ANK3: variants seen among roughly 807,000 people sequenced by gnomAD.
The protein encoded by ANK3 is ankyrin 3, also known as ankyrin-3.
Under a neutral mutation model 370.9 loss-of-function variants are expected in ANK3, and 57 were observed. The observed-to-expected ratio is 0.15, with a 90% CI of 0.12 to 0.19. The LOEUF (loss-of-function observed/expected upper bound fraction) is 0.19. Among genes scored for constraint, ANK3 ranks in the 10% least tolerant of loss-of-function variants. The pLI is 1.00. For synonymous variants in ANK3, 1,929 were observed against 1,946.3 expected (o/e 0.99, Z 0.23); for missense variants, 4,439 against 5,302.1 (o/e 0.84, Z 5.06).
intron 1 of ANK3, among the ~76,000 whole-genome samples, chr10:60,327,561 GA>G (rs1042738325): frequency 3.9e-4 from 59 of 152,274 alleles, no homozygotes; most frequent in African/African-American, 1.4e-3. Flanking sequence ...AAATGGTCCA[GA>G]AAAGAATAAG....
intron 2 of ANK3, among the ~76,000 whole-genome samples, chr10:60,590,900 T>C (rs2077900675): frequency 6.6e-6 from 1 of 152,220 alleles, no homozygotes; most frequent in Non-Finnish European, 1.5e-5. Flanking sequence ...TTCCGACATA[T>C]TTTCAATCCA....
At chr10:60,295,058 C>T (rs1046590017) in intron 1 of ANK3, among the ~76,000 whole-genome samples, 2 of 152,092 alleles carry the variant, frequency 1.3e-5, no homozygotes, top group Non-Finnish European at 2.9e-5. Flanking sequence ...GTTATGTTAC[C>T]GTCTAACAGC....
intron 2 of ANK3, among the ~76,000 whole-genome samples, chr10:60,481,005 C>G (rs1238585444): frequency 2.0e-5 from 3 of 152,176 alleles, no homozygotes; most frequent in African/African-American, 7.2e-5. Context: ...GATGATTCCG[C>G]TGGACTTCCG....
intron 1 of ANK3, among the ~76,000 whole-genome samples, chr10:60,295,943 C>G (rs936849853): frequency 6.6e-6 from 1 of 152,070 alleles, no homozygotes; most frequent in Admixed American, 6.5e-5. Context: ...TGAAGTAGGT[C>G]AAGGATACCA....
chr10:60,425,466 A>G (rs1252686669), intron 2 of ANK3, among the ~76,000 whole-genome samples: 1 of 152,132 alleles, frequency 6.6e-6, no homozygotes, highest in African/African-American at 2.4e-5. Flanking sequence ...TTCTTGCTGC[A>G]GTTATGGCCA....
intron 2 of ANK3, among the ~76,000 whole-genome samples, chr10:60,584,395 G>C (rs2077800570): frequency 1.3e-5 from 2 of 152,088 alleles, no homozygotes; most frequent in Admixed American, 6.5e-5. Flanking sequence ...AAGGCAAAAG[G>C]ATTGCTTGAA....
chr10:60,678,043 C>G (rs1231112549), intron 1 of ANK3, among the ~76,000 whole-genome samples: 2 of 152,134 alleles, frequency 1.3e-5, no homozygotes, highest in African/African-American at 2.4e-5. Flanking sequence ...TGATTTTACC[C>G]TCACAGATGG....
intron 23 of ANK3, among the ~76,000 whole-genome samples, chr10:60,163,385 G>A (rs2095545340): frequency 6.6e-6 from 1 of 152,160 alleles, no homozygotes. Context: ...CCCTGCCTTG[G>A]ACAAAGTTGC....
chr10:60,680,107 C>G (rs1300409778), intron 1 of ANK3, among the ~76,000 whole-genome samples: 5 of 137,176 alleles, frequency 3.6e-5, no homozygotes, highest in African/African-American at 5.5e-5. Context: ...TGCATTACAG[C>G]CTGGGAGACA....
intron 2 of ANK3, among the ~76,000 whole-genome samples, chr10:60,408,763 C>G (rs1478728841): frequency 2.0e-5 from 3 of 152,080 alleles, no homozygotes; most frequent in African/African-American, 7.2e-5. Flanking sequence ...AAAACGCTTC[C>G]GTCACTGGGC....
rs1212221985 is a variant in ANK3 at position 60,080,621 on chromosome 10, G to C, written c.4351-3C>G. On this transcript the variant is annotated splice_region_variant and splice_polypyrimidine_tract_variant and intron_variant, in intron 35 of 43. Transcript: ENST00000280772. ...TGTCGTCTATCTGTTTTCTCAATCT[G>C]AAAAGGAAAAAAAAAAAGACAACTC... 4 of 1,544,450 alleles carry C rather than the reference G, an allele frequency of 2.6e-6. No homozygotes were observed. The highest frequency in any genetic ancestry group is 2.6e-6 in the Non-Finnish European group (3 of 1,148,042).
intron 2 of ANK3, among the ~76,000 whole-genome samples, chr10:60,561,876 G>T (rs1299089613): frequency 6.6e-6 from 1 of 152,208 alleles, no homozygotes; most frequent in African/African-American, 2.4e-5. Flanking sequence ...CATGAATTGT[G>T]TCTGAGCCCT....
At chr10:60,312,016 T>C (rs1489163145) in intron 1 of ANK3, among the ~76,000 whole-genome samples, 2 of 152,172 alleles carry the variant, frequency 1.3e-5, no homozygotes, top group East Asian at 1.9e-4. Context: ...ACCAGGAACA[T>C]AGTAGATGCT....
At chr10:60,213,094 A>T (rs935869276) in intron 9 of ANK3, among the ~76,000 whole-genome samples, 4 of 152,150 alleles carry the variant, frequency 2.6e-5, no homozygotes, top group African/African-American at 9.7e-5. Flanking sequence ...AACGTTAGAG[A>T]GTGTAGAACT....
chr10:60,659,732 A>G (rs991852586), intron 1 of ANK3, among the ~76,000 whole-genome samples: 4 of 152,152 alleles, frequency 2.6e-5, no homozygotes, highest in African/African-American at 7.2e-5. Flanking sequence ...TGTTGTAAAT[A>G]TAAAATCTGT....
intron 1 of ANK3, among the ~76,000 whole-genome samples, chr10:60,341,332 G>T (rs1285203982): frequency 1.3e-5 from 2 of 151,798 alleles, no homozygotes; most frequent in African/African-American, 4.8e-5. Context: ...GGCTTATGTT[G>T]GTTACCTCCT....
chr10:60,261,781 A>T, intron 7 of ANK3, 78 bp downstream of exon 7: 2 of 1,338,100 alleles, frequency 1.5e-6, no homozygotes. Context: ...AATTTGTCCC[A>T]ACATCCTCAT....
chr10:60,526,870 C>T (rs1468934723), intron 2 of ANK3, among the ~76,000 whole-genome samples: 2 of 152,204 alleles, frequency 1.3e-5, no homozygotes, highest in African/African-American at 2.4e-5. Context: ...AGTGAGTCTC[C>T]AAACCCCAAA....
intron 2 of ANK3, among the ~76,000 whole-genome samples, chr10:60,598,637 C>A (rs543599941): frequency 3.9e-5 from 6 of 152,258 alleles, no homozygotes; most frequent in African/African-American, 1.2e-4. Flanking sequence ...CTTTGTAAAA[C>A]CCTTTATCAA....
Sources: gnomAD v4.1 joint callset for allele counts (sites outside exome capture counted in the v4.1 genomes callset) on GRCh38, gnomAD v4.1.1 for gene constraint, MANE v1.5 for transcripts, NCBI Gene and HGNC (gene_info 2026-07-23, HGNC 2026-07-21) for gene names.